The following NEGR1 variants were observed in gnomAD, a reference collection of about 807,000 sequenced individuals.
NEGR1 encodes IgLON family member 4.
In NEGR1, 10 loss-of-function variants were observed where a neutral mutation model predicts 40.9. That is an observed-to-expected ratio of 0.24 (90% CI 0.15 to 0.42). The LOEUF (loss-of-function observed/expected upper bound fraction) is 0.42. NEGR1 is among the 10% of genes least tolerant of loss of function. The pLI, the probability that NEGR1 is intolerant of heterozygous loss-of-function variation, is 1.00. For missense variants in NEGR1, 352 were observed against 438.9 expected (o/e 0.80, Z 1.77); for synonymous variants, 185 against 166.8 (o/e 1.11, Z -0.84).
intron 6 of NEGR1, among the ~76,000 whole-genome samples, chr1:71,450,480 T>A (rs747787712): frequency 2.0e-5 from 3 of 152,188 alleles, no homozygotes; most frequent in African/African-American, 2.4e-5. Flanking sequence ...AGAGATTTAA[T>A]GTTAATAGTG....
chr1:72,054,167 T>C (rs1245773429), intron 1 of NEGR1, among the ~76,000 whole-genome samples: 1 of 151,410 alleles, frequency 6.6e-6, no homozygotes, highest in Non-Finnish European at 1.5e-5. Context: ...GGAAATGTCT[T>C]TTCCACCCTA....
intron 6 of NEGR1, among the ~76,000 whole-genome samples, chr1:71,528,886 A>C (rs1002270414): frequency 6.6e-6 from 1 of 151,206 alleles, no homozygotes; most frequent in African/African-American, 2.4e-5. Context: ...CCATAAATAC[A>C]ATGTGCTTAA....
chr1:71,453,425 A>G (rs1359088042), intron 6 of NEGR1, among the ~76,000 whole-genome samples: 2 of 152,120 alleles, frequency 1.3e-5, no homozygotes, highest in African/African-American at 4.8e-5. Context: ...TTGTCCTGTG[A>G]TAAGTAAGCC....
At chr1:71,975,699 G>A (rs772142212) in intron 1 of NEGR1, among the ~76,000 whole-genome samples, 50 of 152,258 alleles carry the variant, frequency 3.3e-4, no homozygotes, top group Non-Finnish European at 4.0e-4. Flanking sequence ...ACTGTACTGA[G>A]CTGAGTCCTA....
intron 1 of NEGR1, among the ~76,000 whole-genome samples, chr1:71,957,372 G>C (rs540526996): frequency 2.0e-5 from 3 of 152,192 alleles, no homozygotes; most frequent in East Asian, 3.9e-4. Context: ...CCAGTTTTAT[G>C]AACACTAAAA....
At chr1:72,049,652 A>ACATG (rs10659370) in intron 1 of NEGR1, among the ~76,000 whole-genome samples, 3,713 of 151,686 alleles carry the variant, frequency 0.024, 144 homozygotes, top group African/African-American at 0.084. Flanking sequence ...CACATTGTCA[A>ACATG]CGCATATAAC....
intron 1 of NEGR1, among the ~76,000 whole-genome samples, chr1:72,022,052 G>A (rs1473343945): frequency 2.6e-5 from 4 of 151,674 alleles, no homozygotes; most frequent in Non-Finnish European, 5.9e-5. Context: ...GGAGAATGGC[G>A]TGAACCCGGG....
chr1:71,605,957 A>G (rs903718581), intron 5 of NEGR1, among the ~76,000 whole-genome samples: 2 of 152,224 alleles, frequency 1.3e-5, no homozygotes, highest in African/African-American at 4.8e-5. Flanking sequence ...ATAATGCATG[A>G]GAGAGACAGT....
intron 3 of NEGR1, among the ~76,000 whole-genome samples, chr1:71,751,409 A>C (rs1445319373): frequency 6.6e-6 from 1 of 152,242 alleles, no homozygotes; most frequent in Non-Finnish European, 1.5e-5. Context: ...TAACACAATG[A>C]ATCCCTGTTA....
chr1:72,224,896 T>A (rs1202073313), intron 1 of NEGR1, among the ~76,000 whole-genome samples: 1 of 152,206 alleles, frequency 6.6e-6, no homozygotes, highest in East Asian at 1.9e-4. Flanking sequence ...CTTATAATTA[T>A]TAATTTAATT....
At position 71,690,698 on chromosome 1, in the gene NEGR1, C is replaced by G. The variant is rs541019705; in HGVS notation, c.667+7310G>C. Among the ~76,000 whole-genome samples, 4 of 139,506 alleles carry G rather than the reference C, an allele frequency of 2.9e-5. No homozygotes were observed. The South Asian group carries it at 9.9e-4, about 34-fold the overall frequency. 91.5% of individuals were successfully genotyped at this position (139,506 alleles called of 152,430 possible). ...TTTGCCGTTGTTTGTTCTTTCCTGACTTTGACTTTATCACTTTTCTTCCGT... is the reference window on the plus strand; with the variant it reads ...TTTGCCGTTGTTTGTTCTTTCCTGAGTTTGACTTTATCACTTTTCTTCCGT... On this transcript the variant is annotated intron_variant, in intron 4 of 6. Transcript: ENST00000357731.
At chr1:72,040,425 A>G (rs890333798) in intron 1 of NEGR1, among the ~76,000 whole-genome samples, 2 of 151,634 alleles carry the variant, frequency 1.3e-5, no homozygotes, top group Admixed American at 6.6e-5. Flanking sequence ...GCCAGCACTT[A>G]AGCACCTCTT....
chr1:72,154,897 A>T (rs1179335861), intron 1 of NEGR1, among the ~76,000 whole-genome samples: 1 of 152,006 alleles, frequency 6.6e-6, no homozygotes, highest in Non-Finnish European at 1.5e-5. Flanking sequence ...CATTAGAGGC[A>T]AGTCTATGAG....
chr1:72,201,861 T>C (rs1208967861), intron 1 of NEGR1, among the ~76,000 whole-genome samples: 2 of 152,008 alleles, frequency 1.3e-5, no homozygotes, highest in East Asian at 3.9e-4. Flanking sequence ...AATATGACTC[T>C]GCCTTGATCC....
At chr1:72,153,198 G>T (rs1651189588) in intron 1 of NEGR1, among the ~76,000 whole-genome samples, 1 of 151,906 alleles carries the variant, frequency 6.6e-6, no homozygotes, top group Non-Finnish European at 1.5e-5. Context: ...AAGCTGCAAA[G>T]AAATAATTAA....
At chr1:71,598,939 CTGTT>C (rs1341464720) in intron 5 of NEGR1, among the ~76,000 whole-genome samples, 2 of 152,094 alleles carry the variant, frequency 1.3e-5, no homozygotes, top group Non-Finnish European at 2.9e-5. Flanking sequence ...GAGTATAACT[CTGTT>C]AGGGCAAGGT....
At position 72,048,957 on chromosome 1, in the gene NEGR1, A is replaced by G. The variant is rs114142121; in HGVS notation, c.177-113646T>C. Reference sequence around the variant, plus strand: ...AGGATCCAGATAAGTAATCAGAAATATACAAAAAGTTATGCATAGTTGTAT... The same window carrying G: ...AGGATCCAGATAAGTAATCAGAAATGTACAAAAAGTTATGCATAGTTGTAT... On this transcript the variant is annotated intron_variant, in intron 1 of 6. Transcript: ENST00000357731. Among the ~76,000 whole-genome samples the G allele has an allele frequency of 7.5e-3, 1,143 of 151,754 alleles. 4 individuals carry two copies. Among genetic ancestry groups the G allele is most frequent in the Middle Eastern group, 0.017 (5 of 294 alleles).
chr1:71,808,838 C>G (rs1443159885), intron 2 of NEGR1, among the ~76,000 whole-genome samples: 1 of 152,082 alleles, frequency 6.6e-6, no homozygotes, highest in East Asian at 1.9e-4. Context: ...CTATCTAAAG[C>G]TTCTAAATCA....
At chr1:72,250,936 A>G (rs567768859) in intron 1 of NEGR1, among the ~76,000 whole-genome samples, 19 of 152,304 alleles carry the variant, frequency 1.2e-4, no homozygotes, top group Admixed American at 9.8e-4. Flanking sequence ...GATCTGCTCT[A>G]TGTACTACTG....
Sources: gnomAD v4.1 joint callset for allele counts (sites outside exome capture counted in the v4.1 genomes callset) on GRCh38, gnomAD v4.1.1 for gene constraint, MANE v1.5 for transcripts, NCBI Gene and HGNC (gene_info 2026-07-23, HGNC 2026-07-21) for gene names.